Variants in PAXBP1 observed in about 807,000 individuals in gnomAD.
PAXBP1 encodes the protein PAX3- and PAX7-binding protein 1.
PAXBP1 carries 44 observed loss-of-function variants against 119.9 expected under a neutral mutation model. That is an observed-to-expected ratio of 0.37 (90% CI 0.29 to 0.47). The LOEUF (loss-of-function observed/expected upper bound fraction) is 0.47, where lower values mean the gene tolerates loss of function less well. PAXBP1 is among the 20% of genes least tolerant of loss of function. The pLI, the probability that PAXBP1 is intolerant of heterozygous loss-of-function variation, is 0.99. For synonymous variants in PAXBP1, 393 were observed against 406.6 expected (o/e 0.97, Z 0.40); for missense variants, 898 against 1,134.1 (o/e 0.79, Z 2.99).
intron 7 of PAXBP1, 55 bp downstream of exon 7, chr21:32,759,025 C>G: frequency 6.4e-7 from 1 of 1,554,240 alleles, no homozygotes; most frequent in East Asian, 2.2e-5. Flanking sequence ...ACAAGGCCAT[C>G]TAGACCTCCC....
chr21:32,759,329 A>C (rs1416282388), intron 6 of PAXBP1, 60 bp from the exon 7 acceptor site: 7 of 1,461,230 alleles, frequency 4.8e-6, no homozygotes, highest in Non-Finnish European at 6.5e-6. Context: ...TGGTGTCAGG[A>C]CTCTTGCAAT....
chr21:32,747,311 G>T (rs1601591682), intron 11 of PAXBP1, among the ~76,000 whole-genome samples: 1 of 152,266 alleles, frequency 6.6e-6, no homozygotes, highest in South Asian at 2.1e-4. Flanking sequence ...TTAAAGAAAG[G>T]AATCAAATGA....
chr21:32,748,776 T>G, intron 10 of PAXBP1, 78 bp from the exon 11 acceptor site: 1 of 1,296,234 alleles, frequency 7.7e-7, no homozygotes, highest in Non-Finnish European at 1.1e-6. Flanking sequence ...TTTCAGTGTT[T>G]TCTTTGTAGC....
At chr21:32,753,446 A>C (rs1050846119) in intron 8 of PAXBP1, among the ~76,000 whole-genome samples, 9 of 151,872 alleles carry the variant, frequency 5.9e-5, no homozygotes, top group Admixed American at 3.3e-4. Context: ...AAAAAAAAAA[A>C]ACATTATACT....
In PAXBP1 at chr21:32,762,280, C is replaced by T. The variant is rs747317650; in HGVS notation, c.687G>A (p.Arg229=). The change falls in exon 4 of 18, where the codon AGG becomes AGA. Residue 229 remains arginine (R), a synonymous_variant. Coordinates refer to ENST00000331923, the MANE Select transcript of PAXBP1 (RefSeq NM_016631.4). ...IPDAAFIHAA[R]KKRQMARELG... ...ATTCTCGGGCCATTTGGCGCTTTTTCCTTGCAGCATGTATAAAAGCTGCAT... is the reference window on the plus strand; with the variant it reads ...ATTCTCGGGCCATTTGGCGCTTTTTTCTTGCAGCATGTATAAAAGCTGCAT... 2 of 1,614,058 alleles carry T rather than the reference C, an allele frequency of 1.2e-6. No homozygotes were observed. Among genetic ancestry groups the T allele is most frequent in the Non-Finnish European group, 1.7e-6 (2 of 1,180,002 alleles).
In PAXBP1 at chr21:32,748,509, GT is replaced by G; in HGVS notation, c.1912del (p.Thr638LeufsTer34). 3 of 1,613,310 alleles carry G rather than the reference GT, an allele frequency of 1.9e-6. No homozygotes were observed. Among genetic ancestry groups the G allele is most frequent in the Non-Finnish European group, 2.5e-6 (3 of 1,179,538 alleles). The stretch of plus-strand genomic sequence containing the variant: ...ACAGAAGCCACTCACCTCAAGAGGA[GT>G]CCAAGTGAGGAGCTGAAGTCGTATG... ...PLIRLQLLTW[T>X]PLEAKCRDFE... On this transcript the variant is annotated frameshift_variant, in exon 11 of 18. Transcript: ENST00000331923. LOFTEE classifies it high-confidence loss of function.
At position 32,755,256 on chromosome 21, in the gene PAXBP1, T is replaced by G; in HGVS notation, c.1481A>C (p.Glu494Ala). The G allele has an allele frequency of 1.2e-6, 2 of 1,613,166 alleles. No homozygotes were observed. Among genetic ancestry groups the G allele is most frequent in the Non-Finnish European group, 8.5e-7 (1 of 1,179,514 alleles). Residue 494 changes from glutamate to alanine, a missense_variant, in exon 8 of 18, where the codon GAA becomes GCA. Transcript: ENST00000331923. ...TGAATGGCTTGAAAACTCCGAAGAT[T>G]CATCTTTAATATCATCTTGTCGTCT... is the stretch of plus-strand genomic sequence containing the variant. ...VQRRQDDIKD[E>A]SSEFSSHSNK...
chr21:32,755,429 G>T, intron 7 of PAXBP1, 76 bp from the exon 8 acceptor site: 2 of 1,555,288 alleles, frequency 1.3e-6, no homozygotes, highest in South Asian at 1.2e-5. Flanking sequence ...TACTATTTCC[G>T]GATTTCTGAA....
intron 10 of PAXBP1, 103 bp from the exon 11 acceptor site, chr21:32,748,801 A>C: frequency 2.0e-6 from 2 of 990,590 alleles, no homozygotes; most frequent in Non-Finnish European, 2.9e-6. Flanking sequence ...GTATCAGAAG[A>C]TACGCTCATT....
intron 15 of PAXBP1, among the ~76,000 whole-genome samples, chr21:32,739,269 G>A (rs2043737984): frequency 6.6e-6 from 1 of 152,186 alleles, no homozygotes; most frequent in Admixed American, 6.5e-5. Flanking sequence ...TCCCACAGAA[G>A]CCCAGTTGAG....
chr21:32,759,737 A>G, intron 6 of PAXBP1, 40 bp downstream of exon 6: 1 of 1,532,920 alleles, frequency 6.5e-7, no homozygotes. Context: ...AGGGAACAGA[A>G]AGCTAGCGGA....
At chr21:32,759,403 C>A in intron 6 of PAXBP1, 134 bp from the exon 7 acceptor site, 1 of 943,742 alleles carries the variant, frequency 1.1e-6, no homozygotes, top group South Asian at 1.9e-5. Context: ...ATCTTTTCCT[C>A]TGTACTGCTT....
chr21:32,753,672 T>C (rs572205887), intron 8 of PAXBP1, among the ~76,000 whole-genome samples: 4 of 152,372 alleles, frequency 2.6e-5, no homozygotes, highest in African/African-American at 9.6e-5. Flanking sequence ...GCATCCCATG[T>C]CATTTTCCTC....
chr21:32,760,417 C>T (rs1244589549), intron 5 of PAXBP1, among the ~76,000 whole-genome samples: 1 of 152,168 alleles, frequency 6.6e-6, no homozygotes, highest in African/African-American at 2.4e-5. Flanking sequence ...TGCCTCAAAA[C>T]ACTATTAACA....
intron 7 of PAXBP1, among the ~76,000 whole-genome samples, chr21:32,758,528 T>G (rs1473926063): frequency 1.3e-5 from 2 of 150,156 alleles, no homozygotes; most frequent in Non-Finnish European, 3.0e-5. Flanking sequence ...AAAACAAACT[T>G]GGGAGAAATG....
chr21:32,769,816 T>G lies in PAXBP1; in HGVS notation c.470A>C (p.Glu157Ala). The G allele has an allele frequency of 1.2e-6, 2 of 1,601,542 alleles. No homozygotes were observed. The highest frequency in any genetic ancestry group is 1.7e-6 in the Non-Finnish European group (2 of 1,177,144). Residue 157 changes from glutamate (E) to alanine (A), a missense_variant and splice_region_variant, in exon 2 of 18, where the codon GAA (glutamate) becomes GCA (alanine). By Grantham distance (107) the Glu-to-Ala change is moderately radical. Coordinates refer to ENST00000331923, the MANE Select transcript of PAXBP1 (RefSeq NM_016631.4). ...KIKTELNSSA[E>A]SEQPLDKTGH... ...AATTCAATTAGTTTGGTACTTACTT[T>G]CAGCTGATGAGTTGAGTTCTGTCTT...
Position 32,759,204 on chromosome 21 carries a change from C to T in PAXBP1, c.1259G>A (p.Arg420Gln), listed in dbSNP as rs568265618. The change falls in exon 7 of 18, where the codon CGA (arginine) becomes CAA (glutamine). Residue 420 changes from arginine (R) to glutamine (Q), a missense_variant. Arg to Gln is a conservative substitution (Grantham distance 43). This residue lies in a region of PAXBP1 where 599 missense variants were observed against 852.7 expected (regional missense o/e 0.70). Coordinates refer to ENST00000331923, the MANE Select transcript of PAXBP1 (RefSeq NM_016631.4). ...RQQHEKHLQS[R>Q]VDSTRAIERL... The stretch of plus-strand genomic sequence containing the variant: ...TTCAATAGCCCTGGTAGAGTCCACT[C>T]GGCTTTGCAGATGTTTCTCATGCTG... 29 of 1,614,070 alleles carry T rather than the reference C, an allele frequency of 1.8e-5. No individual in the cohort carries two copies. Among genetic ancestry groups the T allele is most frequent in the Admixed American group, 1.0e-4 (6 of 60,020 alleles).
In PAXBP1 at chr21:32,764,333, C is replaced by G. The variant is rs756031593; in HGVS notation, c.649+15G>C. The G allele has an allele frequency of 6.2e-6, 10 of 1,611,608 alleles. No individual in the cohort carries two copies. Among genetic ancestry groups the G allele is most frequent in the Non-Finnish European group, 8.5e-6 (10 of 1,179,018 alleles). ...GGGTTTAGTTTAGTTCTGAGAAATA[C>G]TTTTGAGTACACACCTGGACGAAGA... On this transcript the variant is annotated intron_variant, in intron 3 of 17. Transcript: ENST00000331923.
At chr21:32,759,309 C>G in intron 6 of PAXBP1, 40 bp from the exon 7 acceptor site, 1 of 1,573,898 alleles carries the variant, frequency 6.4e-7, no homozygotes, top group Non-Finnish European at 8.7e-7. Flanking sequence ...CATTTACATC[C>G]AAAGGTCTAT....
Sources: gnomAD v4.1 joint callset for allele counts (sites outside exome capture counted in the v4.1 genomes callset) on GRCh38, gnomAD v4.1.1 for gene constraint, gnomAD v4.1.1 regional missense constraint, MANE v1.5 for transcripts, NCBI Gene and HGNC (gene_info 2026-07-23, HGNC 2026-07-21) for gene names.